Variants in NKAIN2 observed in about 807,000 individuals in gnomAD.
NKAIN2 encodes sodium/potassium transporting ATPase interacting 2.
NKAIN2 carries 14 observed loss-of-function variants against 32.6 expected under a neutral mutation model. The ratio of observed to expected loss-of-function variants is 0.43; its 90% CI spans 0.28 to 0.67. The LOEUF is 0.67. NKAIN2 is among the 30% of genes least tolerant of loss of function. NKAIN2 has a pLI of 0.17. For synonymous variants in NKAIN2, 80 were observed against 87.2 expected, an observed-to-expected ratio of 0.92 and a Z score of 0.46; for missense variants, 198 against 258.3, an observed-to-expected ratio of 0.77 and a Z score of 1.60.
chr6:124,313,448 C>T lies in NKAIN2; in HGVS notation c.192+30306C>T, dbSNP rs531034581. 5.3e-5 allele frequency among the ~76,000 whole-genome samples: 8 copies of T among 152,170 alleles called. No homozygotes were observed. The East Asian group carries it at 1.5e-3, about 29-fold the overall frequency. Reference sequence around the variant, plus strand: ...ATATTCTCATTAGTTCAGTTTAAAACTTCAGTCACTTATCCAATTTACCAT... The same window carrying T: ...ATATTCTCATTAGTTCAGTTTAAAATTTCAGTCACTTATCCAATTTACCAT... On this transcript the variant is annotated intron_variant, in intron 2 of 6. Transcript: ENST00000368417.
intron 1 of NKAIN2, among the ~76,000 whole-genome samples, chr6:123,885,494 A>G (rs1221930445): frequency 1.3e-5 from 2 of 152,114 alleles, no homozygotes; most frequent in African/African-American, 4.8e-5. Context: ...TTGTTTCCTT[A>G]AAAATTTTTA....
At chr6:123,900,035 G>T (rs1277220665) in intron 1 of NKAIN2, among the ~76,000 whole-genome samples, 1 of 152,152 alleles carries the variant, frequency 6.6e-6, no homozygotes, top group African/African-American at 2.4e-5. Flanking sequence ...TCAACCCAAT[G>T]GTCCCTCTCA....
intron 4 of NKAIN2, among the ~76,000 whole-genome samples, chr6:124,755,341 T>C (rs549172028): frequency 1.3e-5 from 2 of 152,252 alleles, no homozygotes; most frequent in South Asian, 4.1e-4. Context: ...GCTGATTGAA[T>C]GGTGCCCAAC....
At chr6:124,319,345 T>C (rs1399076720) in intron 2 of NKAIN2, among the ~76,000 whole-genome samples, 1 of 152,110 alleles carries the variant, frequency 6.6e-6, no homozygotes, top group Non-Finnish European at 1.5e-5. Context: ...GCTGGTTTCA[T>C]ACCTAGTTGT....
intron 4 of NKAIN2, among the ~76,000 whole-genome samples, chr6:124,769,014 A>C (rs1300995870): frequency 6.6e-6 from 1 of 152,190 alleles, no homozygotes; most frequent in African/African-American, 2.4e-5. Context: ...AGAATGAACA[A>C]TCTATAGTCA....
At chr6:124,318,270 T>G (rs1342306363) in intron 2 of NKAIN2, among the ~76,000 whole-genome samples, 1 of 152,076 alleles carries the variant, frequency 6.6e-6, no homozygotes, top group Non-Finnish European at 1.5e-5. Context: ...TAATTAGGTC[T>G]TCTAATTTTG....
At chr6:124,647,496 CAAAA>C (rs1157607122) in intron 3 of NKAIN2, among the ~76,000 whole-genome samples, 149 of 58,928 alleles carry the variant, frequency 2.5e-3, no homozygotes, top group Non-Finnish European at 3.4e-3. Context: ...GAGACTCTGT[CAAAA>C]AAAAAAAAAA....
At chr6:124,544,685 C>T (rs532445141) in intron 3 of NKAIN2, among the ~76,000 whole-genome samples, 2 of 152,022 alleles carry the variant, frequency 1.3e-5, no homozygotes, top group East Asian at 3.9e-4. Flanking sequence ...AAGATGATGT[C>T]TGATTAAATA....
intron 3 of NKAIN2, among the ~76,000 whole-genome samples, chr6:124,567,807 T>A (rs1243222563): frequency 6.6e-6 from 1 of 152,178 alleles, no homozygotes. Flanking sequence ...TTTTTTTAAT[T>A]TTTAACAACT....
intron 4 of NKAIN2, among the ~76,000 whole-genome samples, chr6:124,757,083 T>C: frequency 9.6e-6 from 1 of 104,068 alleles, no homozygotes; most frequent in Middle Eastern, 5.2e-3. Context: ...ATTTGTAATC[T>C]TTTCTTCTAT....
intron 3 of NKAIN2, among the ~76,000 whole-genome samples, chr6:124,404,343 C>A (rs796687500): frequency 6.6e-6 from 1 of 152,208 alleles, no homozygotes; most frequent in South Asian, 2.1e-4. Flanking sequence ...TTTGTTGATT[C>A]CTGAGCATCA....
chr6:124,338,682 A>T (rs1370319473), intron 2 of NKAIN2, among the ~76,000 whole-genome samples: 1 of 152,192 alleles, frequency 6.6e-6, no homozygotes, highest in African/African-American at 2.4e-5. Flanking sequence ...TGTTGGAAAT[A>T]CACTGAGAAT....
chr6:124,568,822 CA>C (rs3053601), intron 3 of NKAIN2, among the ~76,000 whole-genome samples: 394 of 80,470 alleles, frequency 4.9e-3, no homozygotes, highest in African/African-American at 0.016. Flanking sequence ...AGCACTGTGG[CA>C]AAAAAAAAAA....
intron 4 of NKAIN2, among the ~76,000 whole-genome samples, chr6:124,755,574 G>T (rs147041863): frequency 2.0e-5 from 3 of 152,284 alleles, no homozygotes; most frequent in Admixed American, 6.5e-5. Context: ...CATGGATGGA[G>T]CTGGAGGCCA....
intron 1 of NKAIN2, among the ~76,000 whole-genome samples, chr6:124,187,064 C>T (rs1034177164): frequency 1.3e-5 from 2 of 152,132 alleles, no homozygotes; most frequent in Non-Finnish European, 2.9e-5. Context: ...CTATACCTTT[C>T]CACATAGCTT....
intron 1 of NKAIN2, among the ~76,000 whole-genome samples, chr6:124,258,622 T>C (rs1794066980): frequency 6.6e-6 from 1 of 152,186 alleles, no homozygotes; most frequent in African/African-American, 2.4e-5. Flanking sequence ...ACAAGTTACT[T>C]AACCTCTCTG....
At chr6:124,710,455 G>A (rs9401760) in intron 4 of NKAIN2, among the ~76,000 whole-genome samples, 65,092 of 150,818 alleles carry the variant, frequency 0.43, 14,221 homozygotes, top group African/African-American at 0.47. Flanking sequence ...TTATTAATGC[G>A]TGGGAGTCTA....
intron 1 of NKAIN2, among the ~76,000 whole-genome samples, chr6:124,220,450 C>G (rs893384741): frequency 1.2e-5 from 1 of 83,480 alleles, no homozygotes; most frequent in African/African-American, 3.9e-5. Context: ...ATGCACTCTC[C>G]TTTTTTTTCC....
chr6:123,826,154 A>G (rs914968748), intron 1 of NKAIN2, among the ~76,000 whole-genome samples: 6 of 152,120 alleles, frequency 3.9e-5, no homozygotes, highest in South Asian at 2.1e-4. Flanking sequence ...CATCAGCCCC[A>G]CCATTAACAG....
Sources: allele counts gnomAD v4.1 joint callset (sites outside exome capture counted in the v4.1 genomes callset), GRCh38; gene constraint gnomAD v4.1.1; transcripts MANE v1.5; gene names NCBI Gene and HGNC (gene_info 2026-07-23, HGNC 2026-07-21).